The following TMEM132C variants were observed in gnomAD, a reference collection of about 807,000 sequenced individuals.
TMEM132C encodes transmembrane protein 132C, also known as protein phosphatase 1, regulatory subunit 152.
A neutral mutation model predicts 61.4 loss-of-function variants in TMEM132C; 29 were observed. The observed-to-expected ratio is 0.47, with a 90% CI of 0.35 to 0.64. The LOEUF (loss-of-function observed/expected upper bound fraction) is 0.64. TMEM132C is among the 30% of genes least tolerant of loss of function. The pLI is 0.00. For synonymous variants in TMEM132C, 656 were observed against 633.1 expected (o/e 1.04, Z -0.54); for missense variants, 1,408 against 1,476.9 (o/e 0.95, Z 0.76).
chr12:128,525,428 G>A (rs534624475), intron 2 of TMEM132C, among the ~76,000 whole-genome samples: 119 of 152,122 alleles, frequency 7.8e-4, no homozygotes, highest in African/African-American at 2.7e-3. Flanking sequence ...GACACAATGA[G>A]AGATCAACCT....
intron 2 of TMEM132C, among the ~76,000 whole-genome samples, chr12:128,511,301 G>A (rs1872558034): frequency 6.6e-6 from 1 of 152,134 alleles, no homozygotes; most frequent in African/African-American, 2.4e-5. Context: ...ATTAAGCCCT[G>A]GGTAGCTGAC....
chr12:128,368,969 G>T (rs117178392), intron 1 of TMEM132C, among the ~76,000 whole-genome samples: 1 of 152,150 alleles, frequency 6.6e-6, no homozygotes, highest in African/African-American at 2.4e-5. Flanking sequence ...CCAGGGATGT[G>T]CTTTGCAAGC....
chr12:128,599,173 C>A (rs541287613), intron 3 of TMEM132C, among the ~76,000 whole-genome samples: 1 of 152,234 alleles, frequency 6.6e-6, no homozygotes, highest in Non-Finnish European at 1.5e-5. Flanking sequence ...TGAATTCACC[C>A]CTGGGGTCAT....
chr12:128,693,217 T>C (rs1954732649), intron 5 of TMEM132C, among the ~76,000 whole-genome samples: 2 of 152,118 alleles, frequency 1.3e-5, no homozygotes, highest in Admixed American at 1.3e-4. Flanking sequence ...AGAATCATGC[T>C]GGGGAGGAAG....
At chr12:128,406,436 C>T (rs1875347387) in intron 1 of TMEM132C, among the ~76,000 whole-genome samples, 1 of 152,292 alleles carries the variant, frequency 6.6e-6, no homozygotes, top group East Asian at 1.9e-4. Context: ...GGTCATTAAC[C>T]AAACATGCAC....
At chr12:128,637,361 G>T (rs768730450) in intron 4 of TMEM132C, among the ~76,000 whole-genome samples, 1 of 152,166 alleles carries the variant, frequency 6.6e-6, no homozygotes, top group East Asian at 1.9e-4. Context: ...GAAAGTCAAG[G>T]CTCAGAAGAG....
rs997957321 is a variant in TMEM132C at position 128,313,873 on chromosome 12, C to T, written c.85+46386C>T. Among the ~76,000 whole-genome samples, 100 of 152,194 alleles carry T rather than the reference C, an allele frequency of 6.6e-4. 1 individual carries two copies. Among genetic ancestry groups the T allele is most frequent in the Non-Finnish European group, 4.6e-4 (31 of 68,032 alleles). On this transcript the variant is annotated intron_variant, in intron 1 of 8. Coordinates refer to ENST00000435159, the MANE Select transcript of TMEM132C (RefSeq NM_001136103.3). ...TAGGAGGACAAAAGAAATGGCCAAG[C>T]ATGTGGGGATTAATTTATTTTATTA...
intron 1 of TMEM132C, among the ~76,000 whole-genome samples, chr12:128,269,158 G>A (rs1232467639): frequency 6.6e-6 from 1 of 152,162 alleles, no homozygotes; most frequent in African/African-American, 2.4e-5. Context: ...CTACCTCCCA[G>A]CAGTTTTTTG....
chr12:128,398,577 T>C (rs1875042602), intron 1 of TMEM132C, among the ~76,000 whole-genome samples: 1 of 152,220 alleles, frequency 6.6e-6, no homozygotes, highest in South Asian at 2.1e-4. Context: ...AAGCCTGTGC[T>C]CTGAGACAGG....
chr12:128,312,258 T>A (rs1871993899), intron 1 of TMEM132C, among the ~76,000 whole-genome samples: 1 of 152,232 alleles, frequency 6.6e-6, no homozygotes, highest in South Asian at 2.1e-4. Context: ...GAAATCATAC[T>A]GGATTAGGGT....
At position 128,486,814 on chromosome 12, in the gene TMEM132C, C is replaced by T. The variant is rs190157791; in HGVS notation, c.975-57143C>T. 1.2e-4 allele frequency among the ~76,000 whole-genome samples: 18 copies of T among 151,188 alleles called. No individual in the cohort carries two copies. In the East Asian group the frequency reaches 2.1e-3, roughly 18 times the overall value. ...CTTGGCAGAGAATTTGCAACAGCTGCGGAAATAAATGCATCTCTTTAAGAA... is the reference window on the plus strand; with the variant it reads ...CTTGGCAGAGAATTTGCAACAGCTGTGGAAATAAATGCATCTCTTTAAGAA... On this transcript the variant is annotated intron_variant, in intron 2 of 8. Transcript: ENST00000435159.
At chr12:128,337,983 C>T (rs976586405) in intron 1 of TMEM132C, among the ~76,000 whole-genome samples, 1 of 152,168 alleles carries the variant, frequency 6.6e-6, no homozygotes, top group Non-Finnish European at 1.5e-5. Flanking sequence ...GTGTGATGTT[C>T]CTGAAACAGG....
chr12:128,364,666 G>T lies in TMEM132C; in HGVS notation c.86-50066G>T, dbSNP rs552527872. On this transcript the variant is annotated intron_variant, in intron 1 of 8. Coordinates refer to ENST00000435159, the MANE Select transcript of TMEM132C (RefSeq NM_001136103.3). ...GACAGAGACCCGGGTGGCAGTTGTG[G>T]AAGGAGGTCACCTTCTGCCTGCACC... is the stretch of plus-strand genomic sequence containing the variant. Among the ~76,000 whole-genome samples, 3 of 152,316 alleles carry T rather than the reference G, an allele frequency of 2.0e-5. No homozygotes were observed. In the South Asian group the frequency reaches 6.2e-4, roughly 32 times the overall value.
intron 4 of TMEM132C, among the ~76,000 whole-genome samples, chr12:128,657,219 G>C (rs544382559): frequency 6.6e-6 from 1 of 152,226 alleles, no homozygotes; most frequent in African/African-American, 2.4e-5. Flanking sequence ...GAGGCATTTT[G>C]TTTTCTGTCC....
At chr12:128,368,390 G>T (rs529371629) in intron 1 of TMEM132C, among the ~76,000 whole-genome samples, 1 of 152,326 alleles carries the variant, frequency 6.6e-6, no homozygotes, top group Admixed American at 6.5e-5. Context: ...CTCCGAAAAG[G>T]TCCAGTCAAT....
At chr12:128,374,084 A>G (rs1874108705) in intron 1 of TMEM132C, among the ~76,000 whole-genome samples, 1 of 152,148 alleles carries the variant, frequency 6.6e-6, no homozygotes, top group Non-Finnish European at 1.5e-5. Context: ...GCTGTGTAAG[A>G]CACGATGAGG....
intron 1 of TMEM132C, among the ~76,000 whole-genome samples, chr12:128,349,059 A>G (rs1873257335): frequency 6.6e-6 from 1 of 152,232 alleles, no homozygotes; most frequent in African/African-American, 2.4e-5. Context: ...GCTGGAGTGC[A>G]GTGGCACAAC....
intron 1 of TMEM132C, among the ~76,000 whole-genome samples, chr12:128,377,873 C>T (rs556438211): frequency 6.6e-6 from 1 of 152,288 alleles, no homozygotes; most frequent in African/African-American, 2.4e-5. Flanking sequence ...TGGGCTCCTT[C>T]CCCAGGGCTG....
chr12:128,533,406 G>A (rs890021998), intron 2 of TMEM132C, among the ~76,000 whole-genome samples: 3 of 152,108 alleles, frequency 2.0e-5, no homozygotes, highest in Admixed American at 6.6e-5. Flanking sequence ...CATTTTCTAG[G>A]GCTGCTGTAA....
Sources: allele counts gnomAD v4.1 joint callset (sites outside exome capture counted in the v4.1 genomes callset), GRCh38; gene constraint gnomAD v4.1.1; transcripts MANE v1.5; gene names NCBI Gene and HGNC (gene_info 2026-07-23, HGNC 2026-07-21).